LAMA4: variants seen among roughly 807,000 people sequenced by gnomAD.
LAMA4 encodes laminin subunit alpha-4.
In LAMA4, 127 loss-of-function variants were observed where a neutral mutation model predicts 207.1. The ratio of observed to expected loss-of-function variants is 0.61; its 90% CI spans 0.53 to 0.71. LAMA4 has a LOEUF of 0.71. Among genes scored for constraint, LAMA4 ranks in the 30% least tolerant of loss-of-function variants. The pLI, the probability that LAMA4 is intolerant of heterozygous loss-of-function variation, is 0.00. For synonymous variants in LAMA4, 761 were observed against 816.0 expected, an observed-to-expected ratio of 0.93 and a Z score of 1.15; for missense variants, 2,093 against 2,246.5, an observed-to-expected ratio of 0.93 and a Z score of 1.38.
chr6:112,136,397 TAA>T, intron 24 of LAMA4, 143 bp from the exon 25 acceptor site: 2 of 733,166 alleles, frequency 2.7e-6, no homozygotes, highest in Non-Finnish European at 4.5e-6. Flanking sequence ...TCTTATGAAA[TAA>T]AAGTGACAGT....
rs1778283363 is a variant in LAMA4, at chr6:112,120,439, G to A, written c.4509C>T (p.Ser1503=). ...AGACATAGAAGATCATGCCATGGGA[G>A]GAACGAGTTCTCAGACGAATGGAAA... The part of the protein sequence containing the change: ...SQFSIRLRTR[S]SHGMIFYVSD... Residue 1503 remains serine (S), a synonymous_variant, in exon 33 of 39, where the codon TCC becomes TCT. Coordinates refer to ENST00000230538, the MANE Select transcript of LAMA4 (RefSeq NM_001105206.3). 1 of 1,613,808 alleles carries A rather than the reference G, an allele frequency of 6.2e-7. No individual in the cohort carries two copies. The highest frequency in any genetic ancestry group is 1.3e-5 in the African/African-American group (1 of 74,912).
chr6:112,165,843 A>C (rs1203286025), intron 12 of LAMA4, among the ~76,000 whole-genome samples: 1 of 152,204 alleles, frequency 6.6e-6, no homozygotes, highest in African/African-American at 2.4e-5. Context: ...ATGTTTTGAG[A>C]AGGGAAAGTA....
chr6:112,216,571 C>T, intron 2 of LAMA4, 102 bp from the exon 3 acceptor site: 1 of 786,676 alleles, frequency 1.3e-6, no homozygotes, highest in East Asian at 2.7e-5. Context: ...ACAATCTAAA[C>T]ATTTCTAAAA....
Position 112,119,199 on chromosome 6 carries a change from T to G in LAMA4, c.4778A>C (p.Tyr1593Ser). ...CTTTCCAGGAGCCACACCTCCCAAA[T>G]AAATGGGACCCTTGATTTTCCAGGT... ...EATWKIKGPIYLGGVAPGKAV... is the reference protein window; with the variant it reads ...EATWKIKGPISLGGVAPGKAV... Residue 1593 changes from tyrosine to serine, a missense_variant, in exon 34 of 39, where the codon TAT becomes TCT. Tyr to Ser is a moderately radical substitution (Grantham distance 144). Coordinates refer to ENST00000230538, the MANE Select transcript of LAMA4 (RefSeq NM_001105206.3). The G allele has an allele frequency of 6.2e-7, 1 of 1,614,040 alleles. No individual in the cohort carries two copies. Among genetic ancestry groups the G allele is most frequent in the Non-Finnish European group, 8.5e-7 (1 of 1,179,934 alleles).
At chr6:112,216,216 A>G in intron 3 of LAMA4, 152 bp downstream of exon 3, 2 of 698,164 alleles carry the variant, frequency 2.9e-6, no homozygotes, top group Admixed American at 2.0e-5. Flanking sequence ...AGTTTATATG[A>G]GTTGTTTCAC....
At chr6:112,164,942 T>G (rs1326473581) in intron 13 of LAMA4, among the ~76,000 whole-genome samples, 2 of 152,228 alleles carry the variant, frequency 1.3e-5, no homozygotes, top group African/African-American at 4.8e-5. Flanking sequence ...ACTGAAGAAT[T>G]AAAATTTTAA....
At chr6:112,114,447 A>G (rs1283866127) in intron 37 of LAMA4, among the ~76,000 whole-genome samples, 2 of 152,190 alleles carry the variant, frequency 1.3e-5, no homozygotes, top group African/African-American at 4.8e-5. Context: ...GTTATGCATT[A>G]TTGAAGCAAC....
intron 9 of LAMA4, among the ~76,000 whole-genome samples, chr6:112,183,509 T>G (rs1466026461): frequency 1.3e-5 from 2 of 152,218 alleles, no homozygotes; most frequent in African/African-American, 4.8e-5. Flanking sequence ...GCGTACATTA[T>G]TTCCTCTCCA....
At chr6:112,212,105 A>G (rs1784384205) in intron 3 of LAMA4, among the ~76,000 whole-genome samples, 1 of 151,996 alleles carries the variant, frequency 6.6e-6, no homozygotes, top group Non-Finnish European at 1.5e-5. Context: ...AGCATGGGGG[A>G]CCAGCAGAGT....
intron 9 of LAMA4, among the ~76,000 whole-genome samples, chr6:112,182,285 T>A (rs1782413090): frequency 6.6e-6 from 1 of 152,174 alleles, no homozygotes; most frequent in Non-Finnish European, 1.5e-5. Flanking sequence ...TTTGCAATAC[T>A]ATAACCTATG....
chr6:112,242,881 T>C (rs1272488250), intron 2 of LAMA4, among the ~76,000 whole-genome samples: 1 of 152,234 alleles, frequency 6.6e-6, no homozygotes, highest in Admixed American at 6.5e-5. Context: ...TGATTAATAA[T>C]CTGTCACTGG....
chr6:112,193,781 G>A (rs1205614393), intron 5 of LAMA4, among the ~76,000 whole-genome samples: 1 of 152,116 alleles, frequency 6.6e-6, no homozygotes, highest in Non-Finnish European at 1.5e-5. Context: ...TGACCCTGGA[G>A]TTCTTTCTTT....
At chr6:112,219,661 T>G (rs1562747831) in intron 2 of LAMA4, 1 of 152,212 alleles carries the variant, frequency 6.6e-6, no homozygotes, top group Admixed American at 6.5e-5. Flanking sequence ...GTTCTTTCTT[T>G]GCTATAACTT....
chr6:112,253,403 A>T, intron 2 of LAMA4: 1 of 284,672 alleles, frequency 3.5e-6, no homozygotes, highest in Non-Finnish European at 6.8e-6. Flanking sequence ...TTTCTGGAAT[A>T]CAATGGCTCG....
chr6:112,155,798 C>T lies in LAMA4; in HGVS notation c.1818-92G>A, dbSNP rs1487264560. 6.4e-6 allele frequency: 9 copies of T among 1,404,472 alleles called. No individual in the cohort carries two copies. The African/African-American group carries it at 1.1e-4, about 18-fold the overall frequency. The allele number at this position is 1,404,472 out of a possible 1,614,324, so 87.0% of individuals were successfully genotyped here. ...CTTGCTTTTTAAATACTTCTAGGAT[C>T]ACAGATGCTTCCTTCCTGTTATTCA... On this transcript the variant is annotated intron_variant, in intron 14 of 38. Coordinates refer to ENST00000230538, the MANE Select transcript of LAMA4 (RefSeq NM_001105206.3).
intron 19 of LAMA4, among the ~76,000 whole-genome samples, chr6:112,143,109 G>A (rs1779802055): frequency 6.6e-6 from 1 of 152,058 alleles, no homozygotes; most frequent in South Asian, 2.1e-4. Flanking sequence ...ATTTACAAGT[G>A]TATGGATTGT....
chr6:112,243,045 TGGGGATAGGTTTA>T (rs1397183471), intron 2 of LAMA4, among the ~76,000 whole-genome samples: 1 of 152,138 alleles, frequency 6.6e-6, no homozygotes, highest in African/African-American at 2.4e-5. Flanking sequence ...CTCTCTGCAG[TGGGGATAGGTTTA>T]GGGTCATTCT....
intron 12 of LAMA4, among the ~76,000 whole-genome samples, chr6:112,169,312 G>T (rs1467154843): frequency 2.6e-5 from 4 of 152,058 alleles, no homozygotes; most frequent in African/African-American, 7.2e-5. Context: ...GGGGAGAGGA[G>T]AACCCTGGAC....
At chr6:112,128,343 C>G (rs1294831302) in intron 31 of LAMA4, among the ~76,000 whole-genome samples, 1 of 152,068 alleles carries the variant, frequency 6.6e-6, no homozygotes, top group Non-Finnish European at 1.5e-5. Flanking sequence ...CACAGAAAGA[C>G]AAATACTGCA....
Sources: allele counts gnomAD v4.1 joint callset (sites outside exome capture counted in the v4.1 genomes callset), GRCh38; gene constraint gnomAD v4.1.1; transcripts MANE v1.5; gene names NCBI Gene and HGNC (gene_info 2026-07-23, HGNC 2026-07-21).